The following SCGB2B2 variants were observed in gnomAD, a reference collection of about 807,000 sequenced individuals.
The protein encoded by SCGB2B2 is secretoglobin-like protein.
SCGB2B2 carries 11 observed loss-of-function variants against 7.6 expected under a neutral mutation model. The observed-to-expected ratio is 1.45, with a 90% CI of 0.91 to 2.40. The LOEUF (loss-of-function observed/expected upper bound fraction) is 2.40. Ranked by LOEUF, SCGB2B2 falls within the 30% of genes most tolerant of loss-of-function variation. SCGB2B2 has a pLI of 0.00. For missense variants in SCGB2B2, 104 were observed against 115.4 expected, an observed-to-expected ratio of 0.90 and a Z score of 0.45; for synonymous variants, 50 against 48.6, an observed-to-expected ratio of 1.03 and a Z score of -0.12.
chr19:34,667,363 G>A (rs2067660534), intron 1 of SCGB2B2, among the ~76,000 whole-genome samples: 1 of 151,806 alleles, frequency 6.6e-6, no homozygotes, highest in South Asian at 2.1e-4. Flanking sequence ...CGGTACTGAA[G>A]TGACACCATC....
intron 1 of SCGB2B2, chr19:34,635,048 C>T: frequency 3.4e-6 from 1 of 296,016 alleles, no homozygotes; most frequent in South Asian, 4.2e-5. Flanking sequence ...CAATGCCGAG[C>T]AAGTGTGATT....
Position 34,619,311 on chromosome 19 carries a change from G to T in SCGB2B2, c.-2031-22717C>A, listed in dbSNP as rs1299258713. Among the ~76,000 whole-genome samples the T allele has an allele frequency of 9.9e-5, 15 of 152,240 alleles. 1 individual carries two copies. In the South Asian group the frequency reaches 3.1e-3, roughly 32 times the overall value. On this transcript the variant is annotated intron_variant, in intron 1 of 3. Transcript: ENST00000601241. ...TCACGCATATATAGGCCAAATATCA[G>T]CTTTAATTAAGTCAACTTTTAAGTA...
rs1455439218 is a variant in SCGB2B2 at position 34,594,639 on chromosome 19, G to A, written c.-76C>T. On this transcript the variant is annotated 5_prime_UTR_variant, in exon 2 of 4. Coordinates refer to ENST00000601241, the MANE Select transcript of SCGB2B2 (RefSeq NM_001025591.4). The stretch of plus-strand genomic sequence containing the variant: ...TGAGCTTTATGTATATCTGAACAAG[G>A]CACATGCCTCTTCGTGTGTGTGTGT... 15 of 1,041,508 alleles carry A rather than the reference G, an allele frequency of 1.4e-5. No homozygotes were observed. Among genetic ancestry groups the A allele is most frequent in the Non-Finnish European group, 2.2e-5 (15 of 671,340 alleles). The allele number at this position is 1,041,508 out of a possible 1,614,324, so 64.5% of individuals were successfully genotyped here. A position where few individuals can be genotyped will look rare whatever the true frequency, so the allele number is the denominator to read the frequency against.
intron 1 of SCGB2B2, among the ~76,000 whole-genome samples, chr19:34,651,955 A>C (rs569748092): frequency 6.6e-6 from 1 of 151,306 alleles, no homozygotes; most frequent in East Asian, 1.9e-4. Context: ...AACTAAATAG[A>C]TAACTCAGAA....
Position 34,644,362 on chromosome 19 carries a change from GTTT to G in SCGB2B2, c.-2032+31265_-2032+31267del, listed in dbSNP as rs75799133. Reference sequence around the variant, plus strand: ...GCCTTGTTTTTTTGTTTTTTTTTTTGTTTTTTTTTTTTTACTCTGGTAAAATAT... The same window carrying G: ...GCCTTGTTTTTTTGTTTTTTTTTTTGTTTTTTTTTTACTCTGGTAAAATAT... On this transcript the variant is annotated intron_variant, in intron 1 of 3. Coordinates refer to ENST00000601241, the MANE Select transcript of SCGB2B2 (RefSeq NM_001025591.4). Among the ~76,000 whole-genome samples the G allele has an allele frequency of 5.6e-3, 747 of 134,340 alleles. 3 individuals are homozygous for G. The highest frequency in any genetic ancestry group is 0.021 in the African/African-American group (725 of 35,020). The allele number at this position is 134,340 out of a possible 152,430, so 88.1% of individuals were successfully genotyped here. A position where few individuals can be genotyped will look rare whatever the true frequency, so the allele number is the denominator to read the frequency against.
At chr19:34,644,830 A>G (rs1265604635) in intron 1 of SCGB2B2, among the ~76,000 whole-genome samples, 2 of 152,262 alleles carry the variant, frequency 1.3e-5, no homozygotes, top group African/African-American at 4.8e-5. Flanking sequence ...AGAAACATTT[A>G]TAATTAACAC....
At chr19:34,624,278 T>A (rs1452047857) in intron 1 of SCGB2B2, among the ~76,000 whole-genome samples, 1 of 152,102 alleles carries the variant, frequency 6.6e-6, no homozygotes, top group Non-Finnish European at 1.5e-5. Flanking sequence ...ACAACCCAAA[T>A]GGAGAGGAGG....
chr19:34,664,560 A>C (rs2067557458), intron 1 of SCGB2B2, among the ~76,000 whole-genome samples: 1 of 152,146 alleles, frequency 6.6e-6, no homozygotes, highest in Non-Finnish European at 1.5e-5. Flanking sequence ...TGGGTCCCAC[A>C]GACCCCACTC....
chr19:34,646,046 C>G, intron 1 of SCGB2B2: 2 of 271,998 alleles, frequency 7.4e-6, no homozygotes, highest in Non-Finnish European at 1.4e-5. Flanking sequence ...TCCCAGAAAG[C>G]CTTGCTGTTG....
intron 1 of SCGB2B2, among the ~76,000 whole-genome samples, chr19:34,636,527 T>C (rs544131939): frequency 2.0e-5 from 3 of 152,276 alleles, no homozygotes; most frequent in African/African-American, 7.2e-5. Flanking sequence ...TGAGTAGCTG[T>C]TCAAGAACTA....
At chr19:34,634,540 T>C (rs1377207812) in intron 1 of SCGB2B2, among the ~76,000 whole-genome samples, 1 of 70,576 alleles carries the variant, frequency 1.4e-5, no homozygotes, top group East Asian at 2.2e-4. Flanking sequence ...GGCTGATTGA[T>C]AGCTACTACA....
intron 1 of SCGB2B2, among the ~76,000 whole-genome samples, chr19:34,637,407 A>G (rs1367231496): frequency 6.6e-6 from 1 of 152,138 alleles, no homozygotes; most frequent in Non-Finnish European, 1.5e-5. Context: ...TGGGAAGGAA[A>G]CAGCAGCTCC....
intron 1 of SCGB2B2, among the ~76,000 whole-genome samples, chr19:34,617,803 T>G (rs1392646391): frequency 6.6e-6 from 1 of 152,206 alleles, no homozygotes; most frequent in Admixed American, 6.5e-5. Flanking sequence ...GCCCATTCAG[T>G]ATGATATTGG....
chr19:34,659,164 T>A (rs2067375977), intron 1 of SCGB2B2, among the ~76,000 whole-genome samples: 1 of 152,094 alleles, frequency 6.6e-6, no homozygotes, highest in Non-Finnish European at 1.5e-5. Flanking sequence ...CTACTTATGA[T>A]AAACCCACAG....
At chr19:34,588,622 C>A (rs965420114), downstream of SCGB2B2, among the ~76,000 whole-genome samples, 2 of 152,318 alleles carry the variant, frequency 1.3e-5, no homozygotes, top group Admixed American at 6.5e-5. Context: ...CTTGCCACCC[C>A]ACAGGGGTCG....
At chr19:34,674,692 A>G (rs2067879465) in intron 1 of SCGB2B2, among the ~76,000 whole-genome samples, 1 of 152,226 alleles carries the variant, frequency 6.6e-6, no homozygotes, top group South Asian at 2.1e-4. Flanking sequence ...AAGCAGAGAA[A>G]CAATGGTGAA....
At chr19:34,626,343 G>A (rs892551619) in intron 1 of SCGB2B2, among the ~76,000 whole-genome samples, 1 of 152,220 alleles carries the variant, frequency 6.6e-6, no homozygotes, top group African/African-American at 2.4e-5. Flanking sequence ...CCATGGCAAA[G>A]TAGTTAAAAA....
In SCGB2B2 at chr19:34,654,974, T is replaced by C. The variant is rs990772759; in HGVS notation, c.-2032+20656A>G. On this transcript the variant is annotated intron_variant, in intron 1 of 3. Transcript: ENST00000601241. ...TCGGGCACTTACACCACTCCAATCT[T>C]ATGTAAATTCTTCCAAAGAATAAAC... is the stretch of plus-strand genomic sequence containing the variant. 1.3e-4 allele frequency among the ~76,000 whole-genome samples: 20 copies of C among 151,332 alleles called. 1 individual carries two copies. Among genetic ancestry groups the C allele is most frequent in the Non-Finnish European group, 2.1e-4 (14 of 68,022 alleles).
Position 34,644,775 on chromosome 19 carries a change from G to A in SCGB2B2, c.-2032+30855C>T, listed in dbSNP as rs543513057. ...CACATGTATTCATTTATGTGCTGAC[G>A]GACACTTAGGACATTTCCATGGACT... On this transcript the variant is annotated intron_variant, in intron 1 of 3. Coordinates refer to ENST00000601241, the MANE Select transcript of SCGB2B2 (RefSeq NM_001025591.4). 6.6e-5 allele frequency among the ~76,000 whole-genome samples: 10 copies of A among 152,140 alleles called. 1 individual carries two copies. Among genetic ancestry groups the A allele is most frequent in the African/African-American group, 2.4e-4 (10 of 41,476 alleles).
Sources: gnomAD v4.1 joint callset for allele counts (sites outside exome capture counted in the v4.1 genomes callset) on GRCh38, gnomAD v4.1.1 for gene constraint, MANE v1.5 for transcripts, NCBI Gene and HGNC (gene_info 2026-07-23, HGNC 2026-07-21) for gene names.